The following ZC3H18 variants were observed in gnomAD, a reference collection of about 807,000 sequenced individuals.
ZC3H18 encodes the protein zinc finger CCCH-type containing 18.
Under a neutral mutation model 106.1 loss-of-function variants are expected in ZC3H18, and 8 were observed. That is an observed-to-expected ratio of 0.08 (90% CI 0.04 to 0.14). ZC3H18 has a LOEUF of 0.14. Ranked by LOEUF, ZC3H18 falls within the 10% of genes least tolerant of loss-of-function variation. The probability of loss-of-function intolerance (pLI) is 1.00; values close to 1 mark genes in which losing one functional copy is unlikely to be tolerated. For synonymous variants in ZC3H18, 635 were observed against 522.1 expected (o/e 1.22, Z -2.95); for missense variants, 1,318 against 1,278.4 (o/e 1.03, Z -0.47).
intron 6 of ZC3H18, among the ~76,000 whole-genome samples, chr16:88,606,096 G>A (rs760678993): frequency 3.9e-5 from 6 of 152,220 alleles, no homozygotes; most frequent in Admixed American, 1.3e-4. Flanking sequence ...GCCCAACCTT[G>A]CTTCACCACA....
intron 3 of ZC3H18, among the ~76,000 whole-genome samples, chr16:88,595,944 T>C (rs1440578352): frequency 6.6e-6 from 1 of 152,190 alleles, no homozygotes; most frequent in Non-Finnish European, 1.5e-5. Context: ...TTTAAAAAGA[T>C]AGATGGGACA....
In ZC3H18 at chr16:88,631,539, C is replaced by A. The variant is rs866584427; in HGVS notation, c.*240C>A. Reference sequence around the variant, plus strand: ...ACACAGACAGCGCTAGTGACCAGCACGGTTCTCATGTAAATTACAAGCCCC... The same window carrying A: ...ACACAGACAGCGCTAGTGACCAGCAAGGTTCTCATGTAAATTACAAGCCCC... On this transcript the variant is annotated 3_prime_UTR_variant, in exon 18 of 18. Coordinates refer to ENST00000301011, the MANE Select transcript of ZC3H18 (RefSeq NM_144604.4). 4 of 625,696 alleles carry A rather than the reference C, an allele frequency of 6.4e-6. No homozygotes were observed. Among genetic ancestry groups the A allele is most frequent in the South Asian group, 1.5e-5 (1 of 65,384 alleles). 38.8% of individuals were successfully genotyped at this position (625,696 alleles called of 1,614,324 possible).
rs1017618360 is a variant in ZC3H18, at chr16:88,624,687, C to G, written c.1984C>G (p.Pro662Ala). The G allele has an allele frequency of 1.2e-6, 2 of 1,612,952 alleles. No individual in the cohort carries two copies. Among genetic ancestry groups the G allele is most frequent in the African/African-American group, 1.3e-5 (1 of 75,002 alleles). Residue 662 changes from proline to alanine, a missense_variant, in exon 12 of 18, where the codon CCA (proline) becomes GCA (alanine). By Grantham distance (27) the Pro-to-Ala change is conservative. Coordinates refer to ENST00000301011, the MANE Select transcript of ZC3H18 (RefSeq NM_144604.4). The stretch of plus-strand genomic sequence containing the variant: ...TGCTCCTGTCCCCGAGCCCACCAAG[C>G]CAGGAGACCCTCGGGAAGCCAGGAG... Reference protein sequence around the residue: ...TTAPVPEPTKPGDPREARRKE... With the variant: ...TTAPVPEPTKAGDPREARRKE...
rs530150324 is a variant in ZC3H18, at chr16:88,591,276, CTTT to C, written c.688+4595_688+4597del. 7.0e-4 allele frequency among the ~76,000 whole-genome samples: 104 copies of C among 149,582 alleles called. 2 individuals are homozygous for C. The highest frequency in any genetic ancestry group is 2.5e-3 in the African/African-American group (102 of 40,992). On this transcript the variant is annotated intron_variant, in intron 3 of 17. Coordinates refer to ENST00000301011, the MANE Select transcript of ZC3H18 (RefSeq NM_144604.4). ...TGAGTCACTGCACCTGGCCTTCTGT[CTTT>C]TTAAGACTGAATAATAGGTGCGGTG...
In ZC3H18 at chr16:88,598,621, G is replaced by C; in HGVS notation, c.839G>C (p.Gly280Ala). The change falls in exon 5 of 18, where the codon GGT becomes GCT. Residue 280 changes from glycine to alanine, a missense_variant and splice_region_variant. Gly to Ala is a moderately conservative substitution (Grantham distance 60, BLOSUM62 0). Around this residue, in one of 6 missense-constraint regions of ZC3H18, gnomAD observed 78 missense variants for 67.3 expected, o/e 1.16. Transcript: ENST00000301011. Reference sequence around the variant, plus strand: ...TTCTCCCTTCTCGTTTTTCAATAGGGTGGGCCGGTAGTTGATGAAATTTTG... The same window carrying C: ...TTCTCCCTTCTCGTTTTTCAATAGGCTGGGCCGGTAGTTGATGAAATTTTG... Reference protein sequence around the residue: ...PHPLMPANPWGGPVVDEILPP... With the variant: ...PHPLMPANPWAGPVVDEILPP... The C allele has an allele frequency of 6.2e-7, 1 of 1,608,530 alleles. No individual in the cohort carries two copies.
chr16:88,608,884 A>C lies in ZC3H18; in HGVS notation c.1089-50A>C, dbSNP rs1224111931. ...CCCTAATGTTTCGTGTGGTCTTTTT[A>C]CGCCAGTGCTCCTAAGTGATGAGAG... On this transcript the variant is annotated intron_variant, in intron 6 of 17. Coordinates refer to ENST00000301011, the MANE Select transcript of ZC3H18 (RefSeq NM_144604.4). 3 of 1,470,154 alleles carry C rather than the reference A, an allele frequency of 2.0e-6. No individual in the cohort carries two copies. In the South Asian group the frequency reaches 3.5e-5, roughly 17 times the overall value. 91.1% of individuals were successfully genotyped at this position (1,470,154 alleles called of 1,614,324 possible). A position where few individuals can be genotyped will look rare whatever the true frequency, so the allele number is the denominator to read the frequency against.
At position 88,630,762 on chromosome 16, in the gene ZC3H18, C is replaced by A. The variant is rs1174070682; in HGVS notation, c.2663+181C>A. Among the ~76,000 whole-genome samples the A allele has an allele frequency of 2.1e-4, 23 of 111,182 alleles. 3 individuals carry two copies. The highest frequency in any genetic ancestry group is 3.6e-3 in the Middle Eastern group (1 of 276). The allele number at this position is 111,182 out of a possible 152,430, so 72.9% of individuals were successfully genotyped here. A position where few individuals can be genotyped will look rare whatever the true frequency, so the allele number is the denominator to read the frequency against. On this transcript the variant is annotated intron_variant, in intron 17 of 17. Coordinates refer to ENST00000301011, the MANE Select transcript of ZC3H18 (RefSeq NM_144604.4). Reference sequence around the variant, plus strand: ...AATTGCAGCCCCACCCCCCACCCCCCCCCACACACACACACACGCTCCTGC... The same window carrying A: ...AATTGCAGCCCCACCCCCCACCCCCACCCACACACACACACACGCTCCTGC...
At chr16:88,591,124 C>G (rs940650758) in intron 3 of ZC3H18, among the ~76,000 whole-genome samples, 1 of 152,078 alleles carries the variant, frequency 6.6e-6, no homozygotes, top group Non-Finnish European at 1.5e-5. Flanking sequence ...GCGCCCGCCA[C>G]CACGCCCAGG....
intron 6 of ZC3H18, among the ~76,000 whole-genome samples, chr16:88,601,469 C>T (rs759541248): frequency 4.6e-5 from 7 of 152,102 alleles, no homozygotes; most frequent in African/African-American, 9.7e-5. Context: ...GAGCAGGGAC[C>T]GGAAAACTGC....
rs1334971445 is a variant in ZC3H18 at position 88,575,594 on chromosome 16, A to G, written c.-14-1516A>G. Among the ~76,000 whole-genome samples the G allele has an allele frequency of 2.6e-5, 4 of 152,110 alleles. 1 individual carries two copies. The highest frequency in any genetic ancestry group is 5.9e-5 in the Non-Finnish European group (4 of 67,966). ...TCTTAACACCGTCCACTTTTAAAGC[A>G]TGGGTAGCAGTGTACTTTCTATGAG... is the stretch of plus-strand genomic sequence containing the variant. On this transcript the variant is annotated intron_variant, in intron 1 of 17. Transcript: ENST00000301011.
intron 6 of ZC3H18, among the ~76,000 whole-genome samples, chr16:88,605,740 A>C (rs1367961201): frequency 6.6e-6 from 1 of 152,240 alleles, no homozygotes; most frequent in African/African-American, 2.4e-5. Flanking sequence ...GAAATGGTTA[A>C]ACAAAGTGAT....
At chr16:88,578,590 G>A (rs375983463) in intron 2 of ZC3H18, among the ~76,000 whole-genome samples, 39 of 152,120 alleles carry the variant, frequency 2.6e-4, no homozygotes, top group African/African-American at 8.7e-4. Flanking sequence ...GAGTCATTGC[G>A]GTGAAGAGTG....
intron 8 of ZC3H18, among the ~76,000 whole-genome samples, chr16:88,613,729 G>A (rs1302616299): frequency 6.6e-6 from 1 of 152,122 alleles, no homozygotes; most frequent in East Asian, 1.9e-4. Context: ...CCAGATACAA[G>A]TCCCTTATCA....
intron 3 of ZC3H18, among the ~76,000 whole-genome samples, chr16:88,597,719 T>C (rs952219466): frequency 6.6e-6 from 1 of 152,130 alleles, no homozygotes; most frequent in Non-Finnish European, 1.5e-5. Flanking sequence ...CGTACAGAGG[T>C]GGCCAAGGGG....
intron 1 of ZC3H18, among the ~76,000 whole-genome samples, chr16:88,576,482 C>G (rs1182222907): frequency 2.0e-5 from 3 of 152,126 alleles, no homozygotes; most frequent in Non-Finnish European, 2.9e-5. Flanking sequence ...ACAGCCCTCT[C>G]GACACCTGCT....
chr16:88,595,153 A>AAAAAAC (rs1417716497), intron 3 of ZC3H18, among the ~76,000 whole-genome samples: 12 of 152,234 alleles, frequency 7.9e-5, no homozygotes, highest in African/African-American at 2.9e-4. Context: ...CTCCATCTCA[A>AAAAAAC]AAAAACAAAA....
Position 88,577,549 on chromosome 16 carries a change from C to T in ZC3H18, c.426C>T (p.Val142=), listed in dbSNP as rs1914837992. 6.2e-7 allele frequency: 1 copy of T among 1,613,536 alleles called. No individual in the cohort carries two copies. Among genetic ancestry groups the T allele is most frequent in the Non-Finnish European group, 8.5e-7 (1 of 1,179,968 alleles). ...EEVPEEPAPA[V]QEDEAEKAGA... is the part of the protein sequence containing the mutation. ...TTCCTGAGGAGCCAGCTCCCGCCGT[C>T]CAGGAGGACGAGGCTGAGAAAGCGG... Residue 142 remains valine (V), a synonymous_variant, in exon 2 of 18, where the codon GTC becomes GTT. Coordinates refer to ENST00000301011, the MANE Select transcript of ZC3H18 (RefSeq NM_144604.4).
chr16:88,619,595 G>A (rs184591264), intron 8 of ZC3H18, among the ~76,000 whole-genome samples: 1 of 152,176 alleles, frequency 6.6e-6, no homozygotes, highest in African/African-American at 2.4e-5. Flanking sequence ...TCTTTCTGGG[G>A]GGCAAGCACC....
chr16:88,598,084 T>G, intron 3 of ZC3H18, 94 bp from the exon 4 acceptor site: 1 of 475,402 alleles, frequency 2.1e-6, no homozygotes, highest in Non-Finnish European at 4.1e-6. Context: ...TGGGTAAACA[T>G]GGCCTCTGCC....
Sources: gnomAD v4.1 joint callset for allele counts (sites outside exome capture counted in the v4.1 genomes callset) on GRCh38, gnomAD v4.1.1 for gene constraint, gnomAD v4.1.1 regional missense constraint, MANE v1.5 for transcripts, NCBI Gene and HGNC (gene_info 2026-07-23, HGNC 2026-07-21) for gene names.